Variants in SPATA13 observed in about 807,000 individuals in gnomAD.
The protein encoded by SPATA13 is spermatogenesis-associated protein 13.
A neutral mutation model predicts 104.0 loss-of-function variants in SPATA13; 50 were observed. The observed-to-expected ratio is 0.48, with a 90% confidence interval of 0.38 to 0.61. The LOEUF (loss-of-function observed/expected upper bound fraction) is 0.61. Among genes scored for constraint, SPATA13 ranks in the 20% least tolerant of loss-of-function variants. SPATA13 has a pLI of 0.00. For synonymous variants in SPATA13, 606 were observed against 667.5 expected, an observed-to-expected ratio of 0.91 and a Z score of 1.42; for missense variants, 1,524 against 1,690.6, an observed-to-expected ratio of 0.90 and a Z score of 1.73.
At chr13:24,032,349 T>A (rs972468160) in intron 3 of SPATA13, among the ~76,000 whole-genome samples, 1 of 152,186 alleles carries the variant, frequency 6.6e-6, no homozygotes, top group African/African-American at 2.4e-5. Context: ...ATTGCAATGG[T>A]CCTGAATACA....
intron 3 of SPATA13, among the ~76,000 whole-genome samples, chr13:24,149,831 G>T (rs530253967): frequency 6.6e-6 from 1 of 152,362 alleles, no homozygotes; most frequent in South Asian, 2.1e-4. Context: ...GAACTCGGTT[G>T]TGTGGGTGCT....
At chr13:24,016,000 G>C (rs925403812) in intron 2 of SPATA13, among the ~76,000 whole-genome samples, 1 of 152,188 alleles carries the variant, frequency 6.6e-6, no homozygotes, top group Admixed American at 6.5e-5. Flanking sequence ...TGACTTGGAG[G>C]GTACGCGGTG....
chr13:24,219,986 C>T (rs186342100), intron 1 of SPATA13, among the ~76,000 whole-genome samples: 1 of 152,148 alleles, frequency 6.6e-6, no homozygotes, highest in Non-Finnish European at 1.5e-5. Flanking sequence ...GACACCTGGT[C>T]CCCCAAATGT....
rs1181296326 is a variant in SPATA13 at position 24,303,296 on chromosome 13, T to C, written c.*523T>C. The C allele has an allele frequency of 2.6e-6, 1 of 377,392 alleles. No individual in the cohort carries two copies. Among genetic ancestry groups the C allele is most frequent in the East Asian group, 8.8e-5 (1 of 11,394 alleles). The allele number at this position is 377,392 out of a possible 1,614,324, so 23.4% of individuals were successfully genotyped here. On this transcript the variant is annotated 3_prime_UTR_variant, in exon 13 of 13. Coordinates refer to ENST00000382108, the MANE Select transcript of SPATA13 (RefSeq NM_001166271.3). ...TCTGTAATACTGGGGGACCTACAGC[T>C]GCCGTGGGGCTGACCACGGTGTTCC...
rs56078056 is a variant in SPATA13 at position 24,286,168 on chromosome 13, G to A, written c.2302-46G>A. On this transcript the variant is annotated intron_variant, in intron 5 of 12. Coordinates refer to ENST00000382108, the MANE Select transcript of SPATA13 (RefSeq NM_001166271.3). This position sits in a 1 kb window ranked among gnomAD's most constrained non-coding sequence, Gnocchi z 4.9. The stretch of plus-strand genomic sequence containing the variant: ...CACCTAGTGGCTCCCTCACCATCCC[G>A]CCCACTCGTGCTCTATGCTGAGCGC... 4.0e-4 allele frequency: 609 copies of A among 1,535,946 alleles called. No individual in the cohort carries two copies. The African/African-American group carries it at 6.9e-3, about 17-fold the overall frequency.
chr13:24,112,563 C>T lies in SPATA13; in HGVS notation c.-112+94862C>T, dbSNP rs1039204769. 3.9e-5 allele frequency among the ~76,000 whole-genome samples: 6 copies of T among 152,314 alleles called. No individual in the cohort carries two copies. In the East Asian group the frequency reaches 1.2e-3, roughly 29 times the overall value. On this transcript the variant is annotated intron_variant, in intron 3 of 14. Coordinates refer to the SPATA13 transcript ENST00000424834. ...TTCTTGTGCCAGGCATACACACACACACACACACACAAACCCAGTAAATGT... is the reference window on the plus strand; with the variant it reads ...TTCTTGTGCCAGGCATACACACACATACACACACACAAACCCAGTAAATGT...
intron 2 of SPATA13, among the ~76,000 whole-genome samples, chr13:24,003,054 T>C (rs1044572643): frequency 5.9e-5 from 9 of 152,220 alleles, no homozygotes; most frequent in African/African-American, 1.9e-4. Context: ...CAGTTCCCTG[T>C]GGCCATTGAC....
chr13:24,284,182 G>C lies in SPATA13; in HGVS notation c.2212G>C (p.Gly738Arg), dbSNP rs531600403. The C allele has an allele frequency of 4.3e-6, 7 of 1,613,726 alleles. No individual in the cohort carries two copies. The African/African-American group carries it at 6.7e-5, about 15-fold the overall frequency. The change falls in exon 5 of 13, where the codon GGT (glycine) becomes CGT (arginine). Residue 738 changes from glycine to arginine, a missense_variant. Gly to Arg is a moderately radical substitution (Grantham distance 125, BLOSUM62 -2). Coordinates refer to ENST00000382108, the MANE Select transcript of SPATA13 (RefSeq NM_001166271.3). ...GCCCTCTGCCTTAGTGGATGACAAC[G>C]GTAGTGAGGAGGACTTCAGCTATGA... is the stretch of plus-strand genomic sequence containing the variant. ...TEPSALVDDNGSEEDFSYEDL... is the reference protein window; with the variant it reads ...TEPSALVDDNRSEEDFSYEDL...
intron 2 of SPATA13, among the ~76,000 whole-genome samples, chr13:24,235,818 T>C (rs1038551612): frequency 1.3e-5 from 2 of 152,244 alleles, no homozygotes; most frequent in African/African-American, 4.8e-5. Context: ...AATTGCTCCA[T>C]CCACTACTGA....
intron 3 of SPATA13, among the ~76,000 whole-genome samples, chr13:24,130,110 C>G (rs900168014): frequency 6.6e-6 from 1 of 152,242 alleles, no homozygotes; most frequent in African/African-American, 2.4e-5. Context: ...GATATCATCC[C>G]TCTTTTGCAG....
At chr13:24,127,455 G>T (rs1267489878) in intron 3 of SPATA13, among the ~76,000 whole-genome samples, 2 of 152,202 alleles carry the variant, frequency 1.3e-5, no homozygotes, top group Admixed American at 6.5e-5. Context: ...CAGAGGGTAG[G>T]GGAGCCCCCG....
rs771677340 is a variant in SPATA13, at chr13:24,222,990, A to G, written c.61A>G (p.Asn21Asp). The G allele has an allele frequency of 1.3e-6, 2 of 1,551,280 alleles. No homozygotes were observed. Among genetic ancestry groups the G allele is most frequent in the South Asian group, 2.4e-5 (2 of 84,028 alleles). ...CCTGGAGAACATGACCACTGCCCCA[A>G]ACGGCCTCGGGCCAGGCCCCGCAGC... is the stretch of plus-strand genomic sequence containing the variant. ...PCLENMTTAP[N>D]GLGPGPAAPC... Residue 21 changes from asparagine to aspartate, a missense_variant, in exon 2 of 13, where the codon AAC becomes GAC. Physicochemically the swap from Asn to Asp is conservative, Grantham distance 23. Around this residue, in one of 2 missense-constraint regions of SPATA13, gnomAD observed 1,089 missense variants for 1,135.9 expected, o/e 0.96. Coordinates refer to ENST00000382108, the MANE Select transcript of SPATA13 (RefSeq NM_001166271.3).
intron 1 of SPATA13, among the ~76,000 whole-genome samples, chr13:24,217,106 A>C (rs554672360): frequency 2.3e-4 from 35 of 152,304 alleles, no homozygotes; most frequent in African/African-American, 7.9e-4. Context: ...GATAAATTTC[A>C]GTGGTTTTAA....
Position 24,044,870 on chromosome 13 carries a change from C to T in SPATA13, c.-112+27169C>T, listed in dbSNP as rs527331171. On this transcript the variant is annotated intron_variant, in intron 3 of 14. Transcript: ENST00000424834. The stretch of plus-strand genomic sequence containing the variant: ...CATCTCCTGGAGACAGTAAATAGAA[C>T]GGTGGTTTCCAGAGGAGGGGGTGGG... Among the ~76,000 whole-genome samples the T allele has an allele frequency of 5.0e-3, 127 of 25,220 alleles. 1 individual carries two copies. Among genetic ancestry groups the T allele is most frequent in the African/African-American group, 0.012 (123 of 9,934 alleles). 16.5% of individuals were successfully genotyped at this position (25,220 alleles called of 152,430 possible). A position where few individuals can be genotyped will look rare whatever the true frequency, so the allele number is the denominator to read the frequency against.
At chr13:24,225,519 C>A (rs1871882854) in intron 2 of SPATA13, among the ~76,000 whole-genome samples, 2 of 152,212 alleles carry the variant, frequency 1.3e-5, no homozygotes, top group South Asian at 4.1e-4. Context: ...TTCTTCTCAT[C>A]ACCTGCATTA....
intron 2 of SPATA13, among the ~76,000 whole-genome samples, chr13:24,234,238 C>A (rs1277916323): frequency 6.6e-6 from 1 of 152,142 alleles, no homozygotes. Flanking sequence ...GAAGCAATAT[C>A]ATAATATATT....
At chr13:24,075,640 C>T (rs962666240) in intron 3 of SPATA13, among the ~76,000 whole-genome samples, 1 of 152,188 alleles carries the variant, frequency 6.6e-6, no homozygotes, top group African/African-American at 2.4e-5. Flanking sequence ...CGTTGCTTAT[C>T]CCGCTTTTTA....
At chr13:24,015,210 A>G (rs1400175679) in intron 2 of SPATA13, among the ~76,000 whole-genome samples, 1 of 152,088 alleles carries the variant, frequency 6.6e-6, no homozygotes, top group Non-Finnish European at 1.5e-5. Context: ...TTTATAGTAA[A>G]CAATGACCTC....
chr13:24,121,885 G>A (rs369989225), intron 3 of SPATA13, among the ~76,000 whole-genome samples: 11 of 151,724 alleles, frequency 7.3e-5, no homozygotes, highest in South Asian at 2.1e-4. Flanking sequence ...CCAAAATCCC[G>A]CTGGTTTCTT....
Sources: gnomAD v4.1 joint callset for allele counts (sites outside exome capture counted in the v4.1 genomes callset) on GRCh38, gnomAD v4.1.1 for gene constraint, gnomAD v4.1.1 regional missense constraint, Gnocchi (gnomAD v3.1) non-coding constraint, MANE v1.5 for transcripts, NCBI Gene and HGNC (gene_info 2026-07-23, HGNC 2026-07-21) for gene names.